Variants in DCAF12 observed in about 807,000 individuals in gnomAD.
DCAF12 encodes DDB1 and CUL4 associated factor 12, also known as DDB1- and CUL4-associated factor 12.
In DCAF12, 28 loss-of-function variants were observed where a neutral mutation model predicts 52.8. The ratio of observed to expected loss-of-function variants is 0.53; its 90% CI spans 0.39 to 0.73. DCAF12 has a LOEUF of 0.73. DCAF12 is among the 30% of genes least tolerant of loss of function. DCAF12 has a pLI of 0.00. For synonymous variants in DCAF12, 196 were observed against 215.5 expected, an observed-to-expected ratio of 0.91 and a Z score of 0.79; for missense variants, 425 against 552.2, an observed-to-expected ratio of 0.77 and a Z score of 2.31.
intron 5 of DCAF12, among the ~76,000 whole-genome samples, chr9:34,097,256 C>CTTT (rs999860045): frequency 1.1e-3 from 107 of 94,826 alleles, no homozygotes; most frequent in African/African-American, 1.2e-3. Context: ...TCTGACACTG[C>CTTT]TTTTTTTTTT....
intron 2 of DCAF12, among the ~76,000 whole-genome samples, chr9:34,114,324 A>C (rs1039681403): frequency 6.6e-6 from 1 of 152,070 alleles, no homozygotes; most frequent in Admixed American, 6.6e-5. Flanking sequence ...GTACTTTGGG[A>C]GTCTGAGGCT....
In DCAF12 at chr9:34,087,740, GTGT is replaced by G. The variant is rs1268108689; in HGVS notation, c.*607_*609del. On this transcript the variant is annotated 3_prime_UTR_variant, in exon 9 of 9. Transcript: ENST00000361264. Reference sequence around the variant, plus strand: ...TTTCTGTTTTTACTTCCTATTATCAGTGTTGTTAGACTTAAAAAACAAGATACA... The same window carrying G: ...TTTCTGTTTTTACTTCCTATTATCAGTGTTAGACTTAAAAAACAAGATACA... 6.6e-6 allele frequency: 1 copy of G among 152,110 alleles called. No homozygotes were observed. Among genetic ancestry groups the G allele is most frequent in the Non-Finnish European group, 1.5e-5 (1 of 68,022 alleles). 9.4% of individuals were successfully genotyped at this position (152,110 alleles called of 1,614,324 possible). A position where few individuals can be genotyped will look rare whatever the true frequency, so the allele number is the denominator to read the frequency against.
chr9:34,105,679 G>A (rs1490632874), intron 4 of DCAF12, among the ~76,000 whole-genome samples: 12 of 151,766 alleles, frequency 7.9e-5, no homozygotes, highest in Non-Finnish European at 1.8e-4. Flanking sequence ...AAAAAAAAGT[G>A]GTTATCTCTG....
At chr9:34,101,064 C>T (rs375189578) in intron 4 of DCAF12, among the ~76,000 whole-genome samples, 300 of 118,336 alleles carry the variant, frequency 2.5e-3, no homozygotes, top group Non-Finnish European at 4.2e-3. Flanking sequence ...CCCTCCCCAA[C>T]TTTTTTTTTT....
Position 34,107,457 on chromosome 9 carries a change from G to T in DCAF12, c.442C>A (p.Leu148Met). 1 of 1,614,162 alleles carries T rather than the reference G, an allele frequency of 6.2e-7. No individual in the cohort carries two copies. The highest frequency in any genetic ancestry group is 1.3e-5 in the African/African-American group (1 of 75,048). ...GCTAGCAGTGTTCTAGAAGGATTCA[G>T]CTCGATGGCATGGATACCACAGCCC... ...QQGCGIHAIE[L>M]NPSRTLLATG... The change falls in exon 3 of 9, where the codon CTG (leucine) becomes ATG (methionine). Residue 148 changes from leucine to methionine, a missense_variant. Leu to Met is a conservative substitution (Grantham distance 15). Around this residue, in one of 3 missense-constraint regions of DCAF12, gnomAD observed 328 missense variants for 444.4 expected, o/e 0.74. Transcript: ENST00000361264.
chr9:34,117,137 C>T (rs944823999), intron 2 of DCAF12, among the ~76,000 whole-genome samples: 1 of 152,144 alleles, frequency 6.6e-6, no homozygotes, highest in Admixed American at 6.5e-5. Context: ...TCTGATGTTT[C>T]GCCACAGAAT....
At chr9:34,110,396 C>T (rs1828979866) in intron 2 of DCAF12, among the ~76,000 whole-genome samples, 1 of 152,176 alleles carries the variant, frequency 6.6e-6, no homozygotes, top group African/African-American at 2.4e-5. Context: ...CAGCTGACTC[C>T]TTCCTCTGCT....
At position 34,098,492 on chromosome 9, in the gene DCAF12, G is replaced by A; in HGVS notation, c.627C>T (p.Leu209=). The A allele has an allele frequency of 1.9e-6, 3 of 1,613,930 alleles. No homozygotes were observed. The highest frequency in any genetic ancestry group is 2.2e-5 in the East Asian group (1 of 44,888). The change falls in exon 5 of 9, where the codon CTC becomes CTT. Residue 209 remains leucine, a synonymous_variant. Transcript: ENST00000361264. ...TCAAAACATCATCTGTCACCTCCCA[G>A]AGTCCCATAGAACCATCACGTGAGC... ...VSGSRDGSMG[L]WEVTDDVLTK...
At chr9:34,125,438 A>T (rs1829233973) in intron 1 of DCAF12, 161 bp from the exon 2 acceptor site, 2 of 808,968 alleles carry the variant, frequency 2.5e-6, no homozygotes, top group Non-Finnish European at 3.9e-6. Context: ...AAAGTCGTTT[A>T]ACTCTTCCAA....
In DCAF12 at chr9:34,110,983, C is replaced by G. The variant is rs894875963; in HGVS notation, c.334-3418G>C. Among the ~76,000 whole-genome samples, 8 of 134,002 alleles carry G rather than the reference C, an allele frequency of 6.0e-5. No individual in the cohort carries two copies. The South Asian group carries it at 1.7e-3, about 28-fold the overall frequency. 87.9% of individuals were successfully genotyped at this position (134,002 alleles called of 152,430 possible). A position where few individuals can be genotyped will look rare whatever the true frequency, so the allele number is the denominator to read the frequency against. ...CCAGAAATGATTCTCCTATTCTTTT[C>G]TGTTTTTTTTTTTTTTTTTTGAGAC... is the stretch of plus-strand genomic sequence containing the variant. On this transcript the variant is annotated intron_variant, in intron 2 of 8. Coordinates refer to ENST00000361264, the MANE Select transcript of DCAF12 (RefSeq NM_015397.4).
intron 8 of DCAF12, 120 bp downstream of exon 8, chr9:34,089,292 T>C (rs1230003692): frequency 6.0e-6 from 7 of 1,162,314 alleles, no homozygotes; most frequent in South Asian, 1.7e-5. Flanking sequence ...CCTGTTCCAA[T>C]GAGTGCCTCT....
chr9:34,098,626 T>A, intron 4 of DCAF12, 109 bp from the exon 5 acceptor site: 1 of 1,219,008 alleles, frequency 8.2e-7, no homozygotes, highest in Non-Finnish European at 1.1e-6. Context: ...ATCATCCTCA[T>A]ATGTGCTGAA....
intron 2 of DCAF12, chr9:34,109,320 G>A: frequency 5.0e-6 from 1 of 198,774 alleles, no homozygotes; most frequent in East Asian, 1.2e-4. Flanking sequence ...GGAAGGCTTT[G>A]TGCCAGAAAA....
Position 34,098,443 on chromosome 9 carries a change from C to T in DCAF12, c.676G>A (p.Val226Met). The change falls in exon 5 of 9, where the codon GTG becomes ATG. Residue 226 changes from valine to methionine, a missense_variant. Physicochemically the swap from Val to Met is conservative, Grantham distance 21. This residue lies in a region of DCAF12 where 328 missense variants were observed against 444.4 expected (regional missense o/e 0.74). Transcript: ENST00000361264. ...TGTGCATACACAGGGACCCGTGACA[C>T]ATTGTGTCTCGCATCACTTTTGGTC... ...VLTKSDARHN[V>M]SRVPVYAHIT... 1 of 1,614,206 alleles carries T rather than the reference C, an allele frequency of 6.2e-7. No individual in the cohort carries two copies. The highest frequency in any genetic ancestry group is 8.5e-7 in the Non-Finnish European group (1 of 1,180,040).
Position 34,126,669 on chromosome 9 carries a change from G to A in DCAF12, c.-238C>T, listed in dbSNP as rs1829257078. 5.2e-6 allele frequency: 3 copies of A among 573,622 alleles called. No homozygotes were observed. Among genetic ancestry groups the A allele is most frequent in the Middle Eastern group, 4.6e-4 (1 of 2,160 alleles). 35.5% of individuals were successfully genotyped at this position (573,622 alleles called of 1,614,324 possible). A position where few individuals can be genotyped will look rare whatever the true frequency, so the allele number is the denominator to read the frequency against. On this transcript the variant is annotated 5_prime_UTR_variant, in exon 1 of 9. Transcript: ENST00000361264. ...GAGAATGAGCGGCTTTCCGACGGCA[G>A]AGCCTGCAAGGACGGCGAGCGGCTA...
chr9:34,100,499 CTTT>C (rs540489235), intron 4 of DCAF12, among the ~76,000 whole-genome samples: 1 of 134,176 alleles, frequency 7.5e-6, no homozygotes, highest in African/African-American at 2.8e-5. Flanking sequence ...CGCCCAGCTT[CTTT>C]TTTTTTTTTT....
intron 2 of DCAF12, among the ~76,000 whole-genome samples, chr9:34,114,013 CAGG>C (rs1254074087): frequency 6.6e-6 from 1 of 151,860 alleles, no homozygotes; most frequent in Non-Finnish European, 1.5e-5. Context: ...GAGGCTGAGG[CAGG>C]AGAATGGCGT....
chr9:34,123,964 C>T (rs1258897494), intron 2 of DCAF12, among the ~76,000 whole-genome samples: 2 of 152,066 alleles, frequency 1.3e-5, no homozygotes, highest in Non-Finnish European at 2.9e-5. Flanking sequence ...AAAGGTTGGC[C>T]CCAACCACCA....
Position 34,089,511 on chromosome 9 carries a change from T to C in DCAF12, c.1104A>G (p.Arg368=), listed in dbSNP as rs750266445. The C allele has an allele frequency of 6.2e-7, 1 of 1,614,102 alleles. No homozygotes were observed. The highest frequency in any genetic ancestry group is 1.7e-5 in the Admixed American group (1 of 59,990). Residue 368 remains arginine (R), a synonymous_variant, in exon 8 of 9, where the codon CGA becomes CGG. Coordinates refer to ENST00000361264, the MANE Select transcript of DCAF12 (RefSeq NM_015397.4). Reference sequence around the variant, plus strand: ...GCCTCTCTTCCAGAAATCTCTGAGCTCGGATGTCATAGAACAGCAGGGAGC... The same window carrying C: ...GCCTCTCTTCCAGAAATCTCTGAGCCCGGATGTCATAGAACAGCAGGGAGC... ...GQGSLLFYDI[R]AQRFLEERLS... is the part of the protein sequence containing the mutation.
Sources: gnomAD v4.1 joint callset for allele counts (sites outside exome capture counted in the v4.1 genomes callset) on GRCh38, gnomAD v4.1.1 for gene constraint, gnomAD v4.1.1 regional missense constraint, MANE v1.5 for transcripts, NCBI Gene and HGNC (gene_info 2026-07-23, HGNC 2026-07-21) for gene names.